The following TOX variants were observed in gnomAD, a reference collection of about 807,000 sequenced individuals.
The protein encoded by TOX is thymocyte selection-associated high mobility group box protein TOX.
Under a neutral mutation model 53.7 loss-of-function variants are expected in TOX, and 11 were observed. That is an observed-to-expected ratio of 0.20 (90% confidence interval 0.13 to 0.34). TOX has a LOEUF of 0.34. Among genes scored for constraint, TOX ranks in the 10% least tolerant of loss-of-function variants. TOX has a pLI of 1.00. For missense variants in TOX, 570 were observed against 664.6 expected, an observed-to-expected ratio of 0.86 and a Z score of 1.56; for synonymous variants, 225 against 245.3, an observed-to-expected ratio of 0.92 and a Z score of 0.77.
In TOX at chr8:58,940,058, G is replaced by C. The variant is rs530435047; in HGVS notation, c.169-514C>G. Among the ~76,000 whole-genome samples the C allele has an allele frequency of 2.0e-5, 3 of 152,250 alleles. No individual in the cohort carries two copies. The South Asian group carries it at 6.2e-4, about 32-fold the overall frequency. ...CGTAGAAAAGAAGCGACTTAAACAT[G>C]CTGCATAAAAGTGTAGTTCCACTGA... On this transcript the variant is annotated intron_variant, in intron 2 of 8. Transcript: ENST00000361421.
chr8:58,984,266 C>A (rs1471709729), intron 1 of TOX, among the ~76,000 whole-genome samples: 1 of 152,046 alleles, frequency 6.6e-6, no homozygotes, highest in East Asian at 1.9e-4. Flanking sequence ...TCATATATAT[C>A]TGATAAAGGG....
intron 1 of TOX, among the ~76,000 whole-genome samples, chr8:59,105,457 T>C (rs1294307752): frequency 2.0e-5 from 3 of 152,064 alleles, no homozygotes; most frequent in Non-Finnish European, 2.9e-5. Flanking sequence ...ACCCCGCACA[T>C]AGAGCTGAAT....
intron 3 of TOX, among the ~76,000 whole-genome samples, chr8:58,871,605 T>C (rs193183200): frequency 3.9e-4 from 60 of 152,252 alleles, no homozygotes; most frequent in African/African-American, 1.3e-3. Flanking sequence ...TGTACCCTAG[T>C]TCATAAAGTT....
chr8:59,027,639 ATTATTACCT>A (rs1282183077), intron 1 of TOX, among the ~76,000 whole-genome samples: 2 of 152,154 alleles, frequency 1.3e-5, no homozygotes, highest in Non-Finnish European at 2.9e-5. Flanking sequence ...TTATGAAGGA[ATTATTACCT>A]TTGCCCAATC....
chr8:58,951,285 T>C (rs1812615928), intron 2 of TOX, among the ~76,000 whole-genome samples: 2 of 152,148 alleles, frequency 1.3e-5, no homozygotes, highest in African/African-American at 4.8e-5. Flanking sequence ...AATAAGTGCA[T>C]AGATTTTGTT....
intron 1 of TOX, among the ~76,000 whole-genome samples, chr8:59,096,974 GA>G (rs1249822287): frequency 6.6e-6 from 1 of 152,180 alleles, no homozygotes; most frequent in Non-Finnish European, 1.5e-5. Flanking sequence ...TGCATTGCTG[GA>G]AACAGGATAG....
chr8:59,054,712 C>A (rs1341286317), intron 1 of TOX, among the ~76,000 whole-genome samples: 10 of 150,256 alleles, frequency 6.7e-5, no homozygotes, highest in African/African-American at 1.7e-4. Flanking sequence ...TAAATGTATA[C>A]TCTCATAAAT....
chr8:59,103,671 C>G (rs1804847949), intron 1 of TOX, among the ~76,000 whole-genome samples: 1 of 152,172 alleles, frequency 6.6e-6, no homozygotes, highest in East Asian at 1.9e-4. Flanking sequence ...AGTTGGAAAG[C>G]TTTGCTATGT....
intron 3 of TOX, among the ~76,000 whole-genome samples, chr8:58,891,776 C>T (rs571781221): frequency 5.1e-4 from 78 of 152,296 alleles, no homozygotes; most frequent in South Asian, 2.1e-4. Context: ...ATTTAGGAAG[C>T]AACTCTGCTT....
chr8:58,856,021 C>T (rs187492062), intron 3 of TOX, among the ~76,000 whole-genome samples: 1 of 152,200 alleles, frequency 6.6e-6, no homozygotes, highest in Non-Finnish European at 1.5e-5. Flanking sequence ...GTAGGAATAG[C>T]TGCTTTGCAA....
chr8:58,994,060 C>G (rs1166707226), intron 1 of TOX, among the ~76,000 whole-genome samples: 1 of 152,084 alleles, frequency 6.6e-6, no homozygotes, highest in African/African-American at 2.4e-5. Flanking sequence ...GAGACCTGAG[C>G]CAGGTCTAAA....
intron 3 of TOX, among the ~76,000 whole-genome samples, chr8:58,914,835 G>C (rs1392492686): frequency 6.6e-6 from 1 of 151,842 alleles, no homozygotes; most frequent in East Asian, 1.9e-4. Context: ...GCGCAGGCCA[G>C]TGTGTGCGCG....
At chr8:58,995,130 C>G (rs1813538085) in intron 1 of TOX, among the ~76,000 whole-genome samples, 2 of 152,190 alleles carry the variant, frequency 1.3e-5, no homozygotes, top group African/African-American at 4.8e-5. Context: ...TCACCACCAC[C>G]AATATCTTCT....
chr8:58,849,795 C>T (rs1419364636), intron 4 of TOX, among the ~76,000 whole-genome samples: 3 of 152,120 alleles, frequency 2.0e-5, no homozygotes, highest in African/African-American at 4.8e-5. Context: ...TAATTTTTTT[C>T]GCCTTACAAT....
At chr8:58,952,302 A>G (rs1812634605) in intron 2 of TOX, among the ~76,000 whole-genome samples, 1 of 152,238 alleles carries the variant, frequency 6.6e-6, no homozygotes, top group Non-Finnish European at 1.5e-5. Flanking sequence ...TGGAACTAGC[A>G]TAGACAGGTG....
chr8:58,828,979 G>A (rs1435895769), intron 5 of TOX, among the ~76,000 whole-genome samples: 1 of 152,142 alleles, frequency 6.6e-6, no homozygotes, highest in Non-Finnish European at 1.5e-5. Context: ...GCTACTCCAA[G>A]TGACTCCCAT....
chr8:58,975,266 CCA>C (rs1158676058), intron 1 of TOX, among the ~76,000 whole-genome samples: 3 of 124,760 alleles, frequency 2.4e-5, no homozygotes, highest in Non-Finnish European at 3.5e-5. Context: ...ACACACACCC[CCA>C]CACAGAGAGA....
intron 3 of TOX, among the ~76,000 whole-genome samples, chr8:58,859,026 CAA>C (rs1810963910): frequency 6.6e-6 from 1 of 152,084 alleles, no homozygotes; most frequent in Admixed American, 6.6e-5. Flanking sequence ...ATTTAATAAT[CAA>C]AATTTATTTA....
chr8:58,824,446 A>G (rs900054342), intron 6 of TOX, among the ~76,000 whole-genome samples: 6 of 152,046 alleles, frequency 3.9e-5, no homozygotes, highest in Non-Finnish European at 2.9e-5. Flanking sequence ...CTTCAGCTCA[A>G]ACCACACTCT....
Sources: gnomAD v4.1 joint callset for allele counts (sites outside exome capture counted in the v4.1 genomes callset) on GRCh38, gnomAD v4.1.1 for gene constraint, MANE v1.5 for transcripts, NCBI Gene and HGNC (gene_info 2026-07-23, HGNC 2026-07-21) for gene names.